The following MORN5 variants were observed in gnomAD, a reference collection of about 807,000 sequenced individuals.
The protein encoded by MORN5 is MORN repeat containing 5, also known as MORN repeat-containing protein 5.
MORN5 carries 21 observed loss-of-function variants against 22.1 expected under a neutral mutation model. The ratio of observed to expected loss-of-function variants is 0.95; its 90% CI spans 0.67 to 1.37. MORN5 has a LOEUF of 1.37. Ranked by LOEUF, MORN5 falls within the 40% of genes most tolerant of loss-of-function variation. The pLI, the probability that MORN5 is intolerant of heterozygous loss-of-function variation, is 0.00. For synonymous variants in MORN5, 73 were observed against 74.0 expected (o/e 0.99, Z 0.07); for missense variants, 211 against 215.1 (o/e 0.98, Z 0.12).
At chr9:122,163,908 G>T (rs960826736) in intron 1 of MORN5, among the ~76,000 whole-genome samples, 1 of 152,144 alleles carries the variant, frequency 6.6e-6, no homozygotes. Flanking sequence ...TTGAGACAGG[G>T]TCTCACTCTG....
intron 4 of MORN5, among the ~76,000 whole-genome samples, chr9:122,195,107 C>G (rs7874584): frequency 0.043 from 6,571 of 151,984 alleles, 456 homozygotes; most frequent in African/African-American, 0.15. Context: ...TGACATCAAT[C>G]TGGATGTCTG....
intron 4 of MORN5, among the ~76,000 whole-genome samples, chr9:122,178,397 G>A (rs968782337): frequency 6.6e-6 from 1 of 152,130 alleles, no homozygotes; most frequent in South Asian, 2.1e-4. Flanking sequence ...GCTGAGGCAG[G>A]AGAATTGCTT....
intron 3 of MORN5, among the ~76,000 whole-genome samples, chr9:122,170,574 T>A (rs1194323874): frequency 1.3e-5 from 2 of 152,198 alleles, no homozygotes; most frequent in Non-Finnish European, 2.9e-5. Context: ...CCTGTCTCCC[T>A]AATGTCCAGA....
At chr9:122,163,967 T>TG (rs1829239106) in intron 1 of MORN5, among the ~76,000 whole-genome samples, 5 of 152,028 alleles carry the variant, frequency 3.3e-5, no homozygotes, top group Non-Finnish European at 7.4e-5. Context: ...CACAGCAATG[T>TG]CCACCCCACC....
chr9:122,181,007 A>C (rs1417323177), intron 4 of MORN5, among the ~76,000 whole-genome samples: 1 of 152,252 alleles, frequency 6.6e-6, no homozygotes, highest in Admixed American at 6.5e-5. Context: ...TGTTCAACTA[A>C]TCACACCAAA....
chr9:122,173,818 C>T (rs967516636), intron 3 of MORN5, among the ~76,000 whole-genome samples: 2 of 152,156 alleles, frequency 1.3e-5, no homozygotes, highest in African/African-American at 4.8e-5. Context: ...GGACTGCTTC[C>T]TAGCTGGATA....
At chr9:122,187,427 G>A (rs980396821) in intron 4 of MORN5, among the ~76,000 whole-genome samples, 1 of 152,144 alleles carries the variant, frequency 6.6e-6, no homozygotes, top group South Asian at 2.1e-4. Context: ...AGAGCCTTAG[G>A]CCCCCTAAGC....
intron 4 of MORN5, among the ~76,000 whole-genome samples, chr9:122,182,706 G>C (rs374323251): frequency 6.6e-6 from 1 of 152,190 alleles, no homozygotes; most frequent in African/African-American, 2.4e-5. Context: ...AGCTGAGATC[G>C]TGCCACTGCA....
chr9:122,174,815 A>G, intron 4 of MORN5, 188 bp downstream of exon 4: 1 of 1,441,224 alleles, frequency 6.9e-7, no homozygotes. Flanking sequence ...ATAGTCCTAG[A>G]GTGAGGTAAA....
At chr9:122,182,184 A>G (rs1829545503) in intron 4 of MORN5, among the ~76,000 whole-genome samples, 1 of 152,212 alleles carries the variant, frequency 6.6e-6, no homozygotes, top group African/African-American at 2.4e-5. Flanking sequence ...GTCAAACAGG[A>G]CTAGCTGGCA....
chr9:122,175,798 AGGTGCCTCAT>A, intron 4 of MORN5: 4 of 757,158 alleles, frequency 5.3e-6, no homozygotes, highest in Non-Finnish European at 6.4e-6. Flanking sequence ...ATGACCAGAA[AGGTGCCTCAT>A]GGGGCTAGAA....
At chr9:122,169,315 C>T (rs1829332664) in intron 2 of MORN5, among the ~76,000 whole-genome samples, 1 of 152,198 alleles carries the variant, frequency 6.6e-6, no homozygotes, top group Non-Finnish European at 1.5e-5. Flanking sequence ...CTAAATGCTT[C>T]ACGTGTGCTA....
rs1281369723 is a variant in MORN5 at position 122,199,915 on chromosome 9, C to T, written c.470C>T (p.Thr157Ile). 6.2e-7 allele frequency: 1 copy of T among 1,613,990 alleles called. No homozygotes were observed. The highest frequency in any genetic ancestry group is 1.1e-5 in the South Asian group (1 of 91,080). Residue 157 changes from threonine (T) to isoleucine (I), a missense_variant, in exon 5 of 5, where the codon ACC becomes ATC. Coordinates refer to ENST00000373764, the MANE Select transcript of MORN5 (RefSeq NM_198469.4). ...DDDEHEWITR[T>I]CRKG ...GACGAGCATGAGTGGATCACCCGTA[C>T]CTGTCGAAAGGGCTAGGATGAGATC...
rs563121907 is a variant in MORN5 at position 122,177,174 on chromosome 9, C to T, written c.439+2547C>T. On this transcript the variant is annotated intron_variant, in intron 4 of 4. Coordinates refer to ENST00000373764, the MANE Select transcript of MORN5 (RefSeq NM_198469.4). ...GGGACCCAGACCTCTGGCGGGGGAGCACTGCCAGTGGAGCCTCTGAAGAGA... is the reference window on the plus strand; with the variant it reads ...GGGACCCAGACCTCTGGCGGGGGAGTACTGCCAGTGGAGCCTCTGAAGAGA... 9.2e-5 allele frequency among the ~76,000 whole-genome samples: 14 copies of T among 152,292 alleles called. No individual in the cohort carries two copies. The East Asian group carries it at 2.7e-3, about 29-fold the overall frequency.
At chr9:122,168,169 A>G (rs1013102635) in intron 2 of MORN5, among the ~76,000 whole-genome samples, 1 of 152,194 alleles carries the variant, frequency 6.6e-6, no homozygotes, top group Non-Finnish European at 1.5e-5. Context: ...TCAGCCTACC[A>G]CAATAGTACA....
intron 1 of MORN5, among the ~76,000 whole-genome samples, chr9:122,160,393 G>GGGAA (rs1829173917): frequency 6.6e-6 from 1 of 151,646 alleles, no homozygotes; most frequent in African/African-American, 2.4e-5. Context: ...ACGAAGATTA[G>GGGAA]GGAAGAGAGA....
chr9:122,188,032 G>T (rs1829676736), intron 4 of MORN5, among the ~76,000 whole-genome samples: 1 of 152,038 alleles, frequency 6.6e-6, no homozygotes, highest in South Asian at 2.1e-4. Context: ...GTGTGTTGGG[G>T]AATGGGGAAG....
intron 4 of MORN5, among the ~76,000 whole-genome samples, chr9:122,181,913 G>T (rs564633499): frequency 4.7e-4 from 72 of 152,352 alleles, no homozygotes; most frequent in African/African-American, 1.7e-3. Context: ...TCATTATGAT[G>T]ATTATTGACT....
At chr9:122,166,961 C>CA in intron 2 of MORN5, 46 bp downstream of exon 2, 2 of 1,567,084 alleles carry the variant, frequency 1.3e-6, no homozygotes, top group Non-Finnish European at 1.7e-6. Flanking sequence ...GATCCTCACG[C>CA]AAGAAGAGCC....
Sources: allele counts gnomAD v4.1 joint callset (sites outside exome capture counted in the v4.1 genomes callset), GRCh38; gene constraint gnomAD v4.1.1; transcripts MANE v1.5; gene names NCBI Gene and HGNC (gene_info 2026-07-23, HGNC 2026-07-21).